Variants in ASB2 observed in about 807,000 individuals in gnomAD.
ASB2 encodes ankyrin repeat and SOCS box containing 2.
In ASB2, 58 loss-of-function variants were observed where a neutral mutation model predicts 62.4. The observed-to-expected ratio is 0.93, with a 90% CI of 0.75 to 1.16. ASB2 has a LOEUF of 1.16. ASB2 is among the 50% of genes most tolerant of loss of function. ASB2 has a pLI of 0.00. For missense variants in ASB2, 928 were observed against 887.9 expected (o/e 1.05, Z -0.57); for synonymous variants, 386 against 385.3 (o/e 1.00, Z -0.02).
chr14:93,951,172 T>C lies in ASB2; in HGVS notation c.707A>G (p.Asn236Ser). The C allele has an allele frequency of 1.2e-6, 2 of 1,613,954 alleles. No homozygotes were observed. The highest frequency in any genetic ancestry group is 1.1e-5 in the South Asian group (1 of 91,090). Residue 236 changes from asparagine (N) to serine (S), a missense_variant, in exon 6 of 10, where the codon AAC becomes AGC. By Grantham distance (46) the Asn-to-Ser change is conservative. Transcript: ENST00000555019. ...QHNADTNHRC[N>S]RGWTALHESV... is the part of the protein sequence containing the mutation. ...CTCGTGCAGAGCGGTCCAGCCGCGG[T>C]TGCAGCGGTGGTTGGTGTCTGCATT...
At chr14:93,975,838 C>T (rs1048906995) in intron 1 of ASB2, among the ~76,000 whole-genome samples, 3 of 152,254 alleles carry the variant, frequency 2.0e-5, no homozygotes, top group Admixed American at 1.3e-4. Flanking sequence ...CATGCATATG[C>T]GTGTGCACAC....
chr14:93,964,611 C>T lies in ASB2; in HGVS notation c.-72G>A. On this transcript the variant is annotated splice_region_variant and 5_prime_UTR_variant, in exon 2 of 10. Transcript: ENST00000555019. ...GAGGAGGGAACAGCAAATCAGAAAA[C>T]CCTGTGAGGAAACCAAAACCATCCT... The T allele has an allele frequency of 6.9e-7, 1 of 1,444,816 alleles. No individual in the cohort carries two copies. Among genetic ancestry groups the T allele is most frequent in the South Asian group, 1.2e-5 (1 of 82,340 alleles). 89.5% of individuals were successfully genotyped at this position (1,444,816 alleles called of 1,614,324 possible).
intron 6 of ASB2, 107 bp downstream of exon 6, chr14:93,950,892 G>T: frequency 8.0e-7 from 1 of 1,245,764 alleles, no homozygotes; most frequent in Non-Finnish European, 1.1e-6. Context: ...CTCCATCAGT[G>T]TGCGCACAAG....
Position 93,959,658 on chromosome 14 carries a change from T to C in ASB2, c.207-2788A>G, listed in dbSNP as rs3762140. 6.6e-5 allele frequency among the ~76,000 whole-genome samples: 10 copies of C among 152,244 alleles called. No individual in the cohort carries two copies. In the East Asian group the frequency reaches 1.9e-3, roughly 29 times the overall value. On this transcript the variant is annotated intron_variant, in intron 2 of 9. Transcript: ENST00000555019. Reference sequence around the variant, plus strand: ...TGTCCTTTGTGTGTCACTGGGCAGGTTCTGGGGTGGAGAATGTGTCACCGT... The same window carrying C: ...TGTCCTTTGTGTGTCACTGGGCAGGCTCTGGGGTGGAGAATGTGTCACCGT...
chr14:93,964,848 C>T (rs1351219577), intron 1 of ASB2, among the ~76,000 whole-genome samples: 2 of 152,042 alleles, frequency 1.3e-5, no homozygotes, highest in African/African-American at 2.4e-5. Context: ...TCCTCCCATA[C>T]ATCCATCTAC....
intron 1 of ASB2, among the ~76,000 whole-genome samples, chr14:93,965,817 G>A (rs1041600054): frequency 3.9e-5 from 6 of 152,338 alleles, no homozygotes; most frequent in African/African-American, 1.2e-4. Context: ...ATGGACATGC[G>A]TCAAGGATAC....
intron 1 of ASB2, among the ~76,000 whole-genome samples, chr14:93,969,756 C>T (rs181678884): frequency 1.2e-4 from 19 of 152,322 alleles, no homozygotes; most frequent in East Asian, 3.9e-4. Context: ...GGCCTGGCCC[C>T]GCAGGGCCTT....
chr14:93,937,255 C>A (rs76956051), intron 9 of ASB2, among the ~76,000 whole-genome samples: 4 of 152,130 alleles, frequency 2.6e-5, no homozygotes, highest in Admixed American at 6.5e-5. Context: ...CCCAGACCTG[C>A]GGAATCAGAA....
chr14:93,957,234 G>C (rs915346064), intron 2 of ASB2: 6 of 1,227,948 alleles, frequency 4.9e-6, no homozygotes, highest in Non-Finnish European at 6.1e-6. Flanking sequence ...GCAGGTCCCA[G>C]GATGAAAGGG....
At chr14:93,935,321 C>A (rs1338618561) in intron 9 of ASB2, among the ~76,000 whole-genome samples, 1 of 152,238 alleles carries the variant, frequency 6.6e-6, no homozygotes, top group Admixed American at 6.5e-5. Context: ...CCCCCAGGAG[C>A]CACGTAGTGG....
In ASB2 at chr14:93,951,081, G is replaced by T. The variant is rs551558470; in HGVS notation, c.798C>A (p.Ser266=). Residue 266 remains serine, a synonymous_variant, in exon 6 of 10, where the codon TCC becomes TCA. Coordinates refer to ENST00000555019, the MANE Select transcript of ASB2 (RefSeq NM_001202429.2). ...AGGGGGTGATGCCGTAGGCGTTCTTGGATTCCACCTTGGCTCCTCCGCTCA... is the reference window on the plus strand; with the variant it reads ...AGGGGGTGATGCCGTAGGCGTTCTTTGATTCCACCTTGGCTCCTCCGCTCA... The part of the protein sequence containing the change: ...ILVSGGAKVE[S]KNAYGITPLF... 5 of 1,614,068 alleles carry T rather than the reference G, an allele frequency of 3.1e-6. No individual in the cohort carries two copies. The highest frequency in any genetic ancestry group is 4.2e-6 in the Non-Finnish European group (5 of 1,180,052).
intron 7 of ASB2, chr14:93,940,555 GC>G (rs987930866): frequency 4.6e-5 from 7 of 152,190 alleles, no homozygotes; most frequent in African/African-American, 1.7e-4. Context: ...GCCCCAACCA[GC>G]CCATTGTGAC....
chr14:93,955,139 T>C (rs1429009801), intron 3 of ASB2: 1 of 456,766 alleles, frequency 2.2e-6, no homozygotes, highest in Non-Finnish European at 4.4e-6. Flanking sequence ...AGAACCACGA[T>C]GTCTATGCCT....
intron 7 of ASB2, among the ~76,000 whole-genome samples, chr14:93,940,816 C>G (rs1028597299): frequency 6.6e-6 from 1 of 152,148 alleles, no homozygotes; most frequent in African/African-American, 2.4e-5. Context: ...CTGTAATATC[C>G]TCATTTCAGA....
Position 93,939,177 on chromosome 14 carries a change from CGG to C in ASB2, c.1546_1547del (p.Pro516AlafsTer26). On this transcript the variant is annotated frameshift_variant, in exon 8 of 10. Coordinates refer to ENST00000555019, the MANE Select transcript of ASB2 (RefSeq NM_001202429.2). LOFTEE classifies it high-confidence loss of function. ...ACCTGCTGGAGGGCTGCGGGGCCGG[CGG>C]GTGCGGGCCGTTGCCGTAGAGGCAT... ...FSCLYGNGPH[P>X]PAPQPSSRFN... The C allele has an allele frequency of 6.3e-7, 1 of 1,576,644 alleles. No individual in the cohort carries two copies. The highest frequency in any genetic ancestry group is 8.7e-7 in the Non-Finnish European group (1 of 1,154,582).
chr14:93,936,180 T>G (rs1200002271), intron 9 of ASB2, among the ~76,000 whole-genome samples: 2 of 152,210 alleles, frequency 1.3e-5, no homozygotes, highest in African/African-American at 4.8e-5. Context: ...GGGTAGTTCC[T>G]TCCCAGAATA....
chr14:93,967,902 C>T (rs1485749430), intron 1 of ASB2, among the ~76,000 whole-genome samples: 2 of 151,732 alleles, frequency 1.3e-5, no homozygotes, highest in African/African-American at 2.4e-5. Flanking sequence ...AGGTCACTTC[C>T]CCTTTTCTGG....
At position 93,944,960 on chromosome 14, in the gene ASB2, C is replaced by T. The variant is rs551188306; in HGVS notation, c.1052+2389G>A. ...GCCCAGATGAAGGTCCCAGCCCTGC[C>T]GCTATCTCAAAAATCACTTCCATAT... On this transcript the variant is annotated intron_variant, in intron 7 of 9. Transcript: ENST00000555019. 1.3e-3 allele frequency among the ~76,000 whole-genome samples: 201 copies of T among 152,328 alleles called. 1 individual carries two copies. The highest frequency in any genetic ancestry group is 4.6e-3 in the African/African-American group (192 of 41,568).
intron 7 of ASB2, chr14:93,941,526 C>T (rs1363175910): frequency 5.3e-5 from 21 of 397,786 alleles, no homozygotes; most frequent in South Asian, 2.0e-4. Flanking sequence ...TTCACACACC[C>T]GGGGGGCTAA....
Sources: allele counts gnomAD v4.1 joint callset (sites outside exome capture counted in the v4.1 genomes callset), GRCh38; gene constraint gnomAD v4.1.1; transcripts MANE v1.5; gene names NCBI Gene and HGNC (gene_info 2026-07-23, HGNC 2026-07-21).